Variants in GRIA3 observed in about 807,000 individuals in gnomAD.
GRIA3 encodes glutamate ionotropic receptor AMPA type subunit 3, also known as glutamate receptor 3.
A neutral mutation model predicts 63.0 loss-of-function variants in GRIA3; 3 were observed. The ratio of observed to expected loss-of-function variants is 0.05; its 90% CI spans 0.02 to 0.12. The LOEUF is 0.12. Ranked by LOEUF, GRIA3 falls within the 10% of genes least tolerant of loss-of-function variation. The pLI is 1.00. For synonymous variants in GRIA3, 274 were observed against 257.9 expected, an observed-to-expected ratio of 1.06 and a Z score of -0.60; for missense variants, 347 against 700.9, an observed-to-expected ratio of 0.50 and a Z score of 5.70.
chrX:123,377,414 A>T (rs988395721), intron 5 of GRIA3, among the ~76,000 whole-genome samples: 3 of 112,337 alleles, frequency 2.7e-5, no homozygotes, highest in African/African-American at 9.7e-5. Context: ...CCCAAATTAA[A>T]TGGAAATAGG....
chrX:123,471,323 T>C (rs2045861758), intron 13 of GRIA3, among the ~76,000 whole-genome samples: 1 of 112,215 alleles, frequency 8.9e-6, no homozygotes, highest in Non-Finnish European at 1.9e-5. Flanking sequence ...GAAAAAAATG[T>C]AATCCAGAAA....
At chrX:123,327,211 G>A (rs1259915666) in intron 4 of GRIA3, among the ~76,000 whole-genome samples, 3 of 111,579 alleles carry the variant, frequency 2.7e-5, no homozygotes, top group African/African-American at 9.8e-5. Flanking sequence ...TTTAAAAATA[G>A]AATTCAATGG....
intron 2 of GRIA3, among the ~76,000 whole-genome samples, chrX:123,253,086 G>T (rs906529206): frequency 8.1e-5 from 9 of 111,118 alleles, no homozygotes; most frequent in African/African-American, 2.6e-4. Context: ...CATTTTCTTA[G>T]TTTCCAGCTC....
At chrX:123,479,103 T>C (rs568210998) in intron 13 of GRIA3, among the ~76,000 whole-genome samples, 1 of 113,211 alleles carries the variant, frequency 8.8e-6, no homozygotes, top group East Asian at 2.8e-4. Flanking sequence ...TAAGGAGCAG[T>C]GGCCTGGCCT....
Position 123,424,664 on chromosome X carries a change from T to C in GRIA3, c.1878-3277T>C, listed in dbSNP as rs142649844. On this transcript the variant is annotated intron_variant, in intron 11 of 15. Coordinates refer to ENST00000620443, the MANE Select transcript of GRIA3 (RefSeq NM_007325.5). ...ACAAAATTGCCAAAGTCAATAACCATGTAGACAAGAGGCCATGAAAATGAC... is the reference window on the plus strand; with the variant it reads ...ACAAAATTGCCAAAGTCAATAACCACGTAGACAAGAGGCCATGAAAATGAC... 2.6e-3 allele frequency among the ~76,000 whole-genome samples: 290 copies of C among 111,724 alleles called. 2 individuals are homozygous for C. In the Middle Eastern group the frequency reaches 0.028, roughly 11 times the overall value.
At chrX:123,230,317 G>A (rs2044269640) in intron 2 of GRIA3, among the ~76,000 whole-genome samples, 1 of 111,979 alleles carries the variant, frequency 8.9e-6, no homozygotes, top group African/African-American at 3.2e-5. Context: ...AGTCCTAATG[G>A]AAACTAACCC....
intron 9 of GRIA3, among the ~76,000 whole-genome samples, chrX:123,404,074 G>A (rs1291671475): frequency 1.8e-5 from 2 of 112,044 alleles, no homozygotes; most frequent in Non-Finnish European, 1.9e-5. Flanking sequence ...TTCTCATTTA[G>A]TTTTAAAACA....
intron 2 of GRIA3, among the ~76,000 whole-genome samples, chrX:123,241,178 C>T: frequency 8.9e-6 from 1 of 111,735 alleles, no homozygotes; most frequent in Middle Eastern, 4.6e-3. Flanking sequence ...CTACCCGAAG[C>T]AGACTGACCA....
chrX:123,346,774 C>G (rs1219735931), intron 4 of GRIA3, among the ~76,000 whole-genome samples: 3 of 112,009 alleles, frequency 2.7e-5, no homozygotes, highest in Non-Finnish European at 5.6e-5. Context: ...GGCTAAGGAC[C>G]AGGTTACTGT....
chrX:123,324,744 C>CA (rs1236545500), intron 3 of GRIA3, among the ~76,000 whole-genome samples: 1 of 112,015 alleles, frequency 8.9e-6, no homozygotes, highest in Non-Finnish European at 1.9e-5. Context: ...TGCATACACC[C>CA]AGCACACAAA....
chrX:123,253,608 A>G, intron 3 of GRIA3, 66 bp downstream of exon 3: 2 of 953,168 alleles, frequency 2.1e-6, no homozygotes, highest in Middle Eastern at 2.8e-4. Flanking sequence ...TCCTCAGCTT[A>G]TGTGCCCTTT....
At chrX:123,185,149 C>T (rs1297130163) in intron 1 of GRIA3, 2 of 265,991 alleles carry the variant, frequency 7.5e-6, no homozygotes, top group Non-Finnish European at 1.4e-5. Flanking sequence ...CACTTTGGAT[C>T]TCCCAGACCC....
At chrX:123,320,513 C>T (rs1480800448) in intron 3 of GRIA3, among the ~76,000 whole-genome samples, 1 of 111,210 alleles carries the variant, frequency 9.0e-6, no homozygotes, top group Admixed American at 9.6e-5. Flanking sequence ...AAGAAAAAGA[C>T]TGGGATTGGT....
At chrX:123,241,667 C>T (rs1222340637) in intron 2 of GRIA3, among the ~76,000 whole-genome samples, 1 of 110,200 alleles carries the variant, frequency 9.1e-6, no homozygotes, top group African/African-American at 3.3e-5. Flanking sequence ...ATTTGACAAA[C>T]TGGAACACAT....
intron 3 of GRIA3, among the ~76,000 whole-genome samples, chrX:123,270,918 C>T (rs184473475): frequency 9.8e-5 from 11 of 112,330 alleles, no homozygotes; most frequent in East Asian, 8.4e-4. Flanking sequence ...GAAAGATACA[C>T]GAAATTTGGA....
chrX:123,362,550 T>C (rs1318915520), intron 5 of GRIA3, among the ~76,000 whole-genome samples: 1 of 110,902 alleles, frequency 9.0e-6, no homozygotes, highest in East Asian at 2.8e-4. Flanking sequence ...CAGGACAGAT[T>C]AGATGCCAGG....
intron 3 of GRIA3, among the ~76,000 whole-genome samples, chrX:123,314,159 C>G (rs182802475): frequency 8.9e-6 from 1 of 112,285 alleles, no homozygotes. Context: ...ACTACTTGCT[C>G]TCTAGGAGAC....
chrX:123,326,920 G>C (rs1483130397), intron 4 of GRIA3, among the ~76,000 whole-genome samples: 1 of 109,947 alleles, frequency 9.1e-6, no homozygotes, highest in African/African-American at 3.3e-5. Context: ...ATAAGATCTT[G>C]TATTACTTTA....
At chrX:123,259,003 T>C (rs922247585) in intron 3 of GRIA3, among the ~76,000 whole-genome samples, 1 of 112,436 alleles carries the variant, frequency 8.9e-6, no homozygotes, top group Non-Finnish European at 1.9e-5. Flanking sequence ...CTCTGAGAAG[T>C]TGACAATACT....
Sources: allele counts gnomAD v4.1 joint callset (sites outside exome capture counted in the v4.1 genomes callset), GRCh38; gene constraint gnomAD v4.1.1; transcripts MANE v1.5; gene names NCBI Gene and HGNC (gene_info 2026-07-23, HGNC 2026-07-21).